DYNC2LI1: variants seen among roughly 807,000 people sequenced by gnomAD.
DYNC2LI1 encodes cytoplasmic dynein 2 light intermediate chain 1.
In DYNC2LI1, 45 loss-of-function variants were observed where a neutral mutation model predicts 51.9. That is an observed-to-expected ratio of 0.87 (90% CI 0.68 to 1.11). The LOEUF (loss-of-function observed/expected upper bound fraction) is 1.11, where lower values mean the gene tolerates loss of function less well. Ranked by LOEUF, DYNC2LI1 falls within the 50% of genes most tolerant of loss-of-function variation. DYNC2LI1 has a pLI of 0.00. For missense variants in DYNC2LI1, 490 were observed against 417.4 expected (o/e 1.17, Z -1.51); for synonymous variants, 130 against 137.8 (o/e 0.94, Z 0.40).
Position 43,787,197 on chromosome 2 carries a change from C to A in DYNC2LI1, c.178C>A (p.Pro60Thr), listed in dbSNP as rs200743292. 1.2e-6 allele frequency: 2 copies of A among 1,613,206 alleles called. No homozygotes were observed. Among genetic ancestry groups the A allele is most frequent in the East Asian group, 4.5e-5 (2 of 44,824 alleles). The change falls in exon 4 of 13, where the codon CCA (proline) becomes ACA (threonine). Residue 60 changes from proline to threonine, a missense_variant. By Grantham distance (38) the Pro-to-Thr change is conservative. Coordinates refer to ENST00000260605, the MANE Select transcript of DYNC2LI1 (RefSeq NM_016008.4). The part of the protein sequence containing the change: ...RCLDRDEPPK[P>T]TLALEYTYGR... Reference sequence around the variant, plus strand: ...ATTATACAGAGATGAACCACCAAAACCAACCTTAGCTTTGGAATATACATA... The same window carrying A: ...ATTATACAGAGATGAACCACCAAAAACAACCTTAGCTTTGGAATATACATA...
intron 9 of DYNC2LI1, 96 bp downstream of exon 9, chr2:43,801,013 G>A (rs1666062547): frequency 1.7e-6 from 1 of 591,060 alleles, no homozygotes; most frequent in African/African-American, 1.9e-5. Flanking sequence ...CTTGTGTCTT[G>A]ACCAGGAAAG....
intron 9 of DYNC2LI1, 191 bp from the exon 10 acceptor site, chr2:43,801,448 A>T (rs1022482141): frequency 1.9e-5 from 8 of 430,056 alleles, no homozygotes; most frequent in African/African-American, 1.0e-4. Flanking sequence ...TTTTCCTATA[A>T]AATGTTTATT....
At chr2:43,783,172 A>T (rs1358558090) in intron 2 of DYNC2LI1, among the ~76,000 whole-genome samples, 1 of 152,218 alleles carries the variant, frequency 6.6e-6, no homozygotes, top group Non-Finnish European at 1.5e-5. Context: ...ATTTTAAAAG[A>T]CACTAAGCAT....
intron 1 of DYNC2LI1, 34 bp from the exon 2 acceptor site, chr2:43,776,748 T>G: frequency 1.1e-6 from 1 of 932,688 alleles, no homozygotes. Context: ...GAATTCTTTT[T>G]CCCTCAATTT....
chr2:43,822,479 C>CA, the DYNC2LI1 span: 2 of 668,666 alleles, frequency 3.0e-6, no homozygotes, highest in African/African-American at 4.6e-5. Flanking sequence ...CTCCCCCAGG[C>CA]CCCCCCCCAT....
chr2:43,799,238 G>T lies in DYNC2LI1; in HGVS notation c.655-1603G>T, dbSNP rs192721104. On this transcript the variant is annotated intron_variant, in intron 8 of 12. Transcript: ENST00000260605. ...GATTGCCTGAGCCTGGCAGTTTGAG[G>T]CTGCAGTGAGTTATGATCACACTGC... 4.5e-4 allele frequency among the ~76,000 whole-genome samples: 69 copies of T among 152,182 alleles called. No homozygotes were observed. In the East Asian group the frequency reaches 5.2e-3, roughly 12 times the overall value.
chr2:43,789,635 A>G lies in DYNC2LI1; in HGVS notation c.234A>G (p.Pro78=). ...AATCAAAAATTTTTGTTTTTCAGCC[A>G]AAAGATATCGCTCACTTTTGGGAAC... The part of the protein sequence containing the change: ...YGRRAKGHNT[P]KDIAHFWELG... The change falls in exon 5 of 13, where the codon CCA becomes CCG. Residue 78 remains proline (P), a splice_region_variant and synonymous_variant. Coordinates refer to ENST00000260605, the MANE Select transcript of DYNC2LI1 (RefSeq NM_016008.4). The G allele has an allele frequency of 6.2e-7, 1 of 1,613,390 alleles. No homozygotes were observed. The highest frequency in any genetic ancestry group is 8.5e-7 in the Non-Finnish European group (1 of 1,179,730).
chr2:43,776,930 T>C, intron 2 of DYNC2LI1, 31 bp downstream of exon 2: 1 of 1,123,958 alleles, frequency 8.9e-7, no homozygotes. Context: ...ATTATTGTGA[T>C]GATTTAACAA....
chr2:43,824,884 C>T, the DYNC2LI1 span: 2 of 1,613,816 alleles, frequency 1.2e-6, no homozygotes, highest in Non-Finnish European at 1.7e-6. Context: ...GAAAGAAAAA[C>T]TTACTATAGA....
chr2:43,777,030 A>ATT (rs1673059439), intron 2 of DYNC2LI1, 131 bp downstream of exon 2: 2 of 484,212 alleles, frequency 4.1e-6, no homozygotes, highest in Admixed American at 6.8e-5. Flanking sequence ...GCATGAATTA[A>ATT]AAAGTGCTTA....
the DYNC2LI1 span, chr2:43,822,773 T>C: frequency 1.9e-6 from 3 of 1,613,636 alleles, no homozygotes; most frequent in Non-Finnish European, 2.5e-6. Context: ...AGCCCGGCCC[T>C]GGGTGAACTG....
intron 9 of DYNC2LI1, 33 bp downstream of exon 9, chr2:43,800,950 G>GGCTAAATCAATCACTCAATA: frequency 7.0e-7 from 1 of 1,426,044 alleles, no homozygotes; most frequent in Non-Finnish European, 9.8e-7. Context: ...ATCATTTATT[G>GGCTAAATCAATCACTCAATA]AGTGATTGAT....
the DYNC2LI1 span, chr2:43,828,063 A>G: frequency 1.7e-5 from 28 of 1,614,008 alleles, no homozygotes; most frequent in South Asian, 2.2e-5. Flanking sequence ...GTAGTTGCCA[A>G]TCAGTCGGTC....
intron 2 of DYNC2LI1, among the ~76,000 whole-genome samples, chr2:43,778,315 G>C (rs1673116564): frequency 6.6e-6 from 1 of 151,970 alleles, no homozygotes; most frequent in African/African-American, 2.4e-5. Context: ...ACCACACCCG[G>C]CTAATTTTTT....
chr2:43,815,510 C>T, the DYNC2LI1 span, among the ~76,000 whole-genome samples: 2 of 152,198 alleles, frequency 1.3e-5, no homozygotes, highest in Admixed American at 6.5e-5. Context: ...TATGGTTTCA[C>T]CTATTTGCAA....
At chr2:43,797,163 G>A (rs1351003929) in intron 8 of DYNC2LI1, among the ~76,000 whole-genome samples, 1 of 152,198 alleles carries the variant, frequency 6.6e-6, no homozygotes, top group Admixed American at 6.5e-5. Flanking sequence ...TATTGGGGAT[G>A]GGGGCTCTTT....
chr2:43,777,908 A>G (rs1673097697), intron 2 of DYNC2LI1, among the ~76,000 whole-genome samples: 1 of 152,230 alleles, frequency 6.6e-6, no homozygotes, highest in African/African-American at 2.4e-5. Flanking sequence ...AAAAAGCAGG[A>G]CACAAGTGTC....
chr2:43,814,567 G>C (rs772925269), downstream of DYNC2LI1: 5 of 1,601,040 alleles, frequency 3.1e-6, no homozygotes, highest in African/African-American at 6.7e-5. Context: ...ATTTTAAAAG[G>C]AATGGGCATT....
intron 6 of DYNC2LI1, chr2:43,794,967 A>G (rs971864597): frequency 8.0e-7 from 1 of 1,244,846 alleles, no homozygotes; most frequent in African/African-American, 1.5e-5. Context: ...CAGATTGTAC[A>G]AAAGTCACCT....
Sources: allele counts gnomAD v4.1 joint callset (sites outside exome capture counted in the v4.1 genomes callset), GRCh38; gene constraint gnomAD v4.1.1; transcripts MANE v1.5; gene names NCBI Gene and HGNC (gene_info 2026-07-23, HGNC 2026-07-21).